Variants in RPTOR observed in about 807,000 individuals in gnomAD.
RPTOR encodes regulatory-associated protein of mTOR.
In RPTOR, 21 loss-of-function variants were observed where a neutral mutation model predicts 169.9. That is an observed-to-expected ratio of 0.12 (90% CI 0.09 to 0.18). The LOEUF is 0.18. Ranked by LOEUF, RPTOR falls within the 10% of genes least tolerant of loss-of-function variation. The pLI, the probability that RPTOR is intolerant of heterozygous loss-of-function variation, is 1.00. For missense variants in RPTOR, 1,133 were observed against 1,855.9 expected, an observed-to-expected ratio of 0.61 and a Z score of 7.16; for synonymous variants, 732 against 753.2, an observed-to-expected ratio of 0.97 and a Z score of 0.46.
chr17:80,922,695 C>G, intron 21 of RPTOR, 29 bp from the exon 22 acceptor site: 1 of 1,539,530 alleles, frequency 6.5e-7, no homozygotes, highest in Non-Finnish European at 8.8e-7. Flanking sequence ...TCCCGTCTGA[C>G]CTTCACACCC....
At chr17:80,781,731 A>G (rs1018681979) in intron 6 of RPTOR, among the ~76,000 whole-genome samples, 1 of 152,222 alleles carries the variant, frequency 6.6e-6, no homozygotes, top group Non-Finnish European at 1.5e-5. Flanking sequence ...ACCTCCTTAT[A>G]GGGAGAGACC....
rs1365529224 is a variant in RPTOR at position 80,823,821 on chromosome 17, G to A, written c.1136+598G>A. On this transcript the variant is annotated intron_variant, in intron 9 of 33. Coordinates refer to ENST00000306801, the MANE Select transcript of RPTOR (RefSeq NM_020761.3). This position sits in a 1 kb window ranked among gnomAD's most constrained non-coding sequence, Gnocchi z 4.5. ...TAGTCTAGACATTATATTTGAAGAC[G>A]TTTGGTTTCTTTCTGTTCTGTGGCT... Among the ~76,000 whole-genome samples the A allele has an allele frequency of 2.0e-5, 3 of 152,282 alleles. No homozygotes were observed. Among genetic ancestry groups the A allele is most frequent in the Non-Finnish European group, 2.9e-5 (2 of 68,028 alleles).
At chr17:80,788,958 G>T (rs868122398) in intron 6 of RPTOR, among the ~76,000 whole-genome samples, 1 of 152,200 alleles carries the variant, frequency 6.6e-6, no homozygotes, top group Non-Finnish European at 1.5e-5. Context: ...GGTATAAAGA[G>T]AATTTACATT....
chr17:80,932,958 C>T (rs534218398), intron 24 of RPTOR, among the ~76,000 whole-genome samples: 2 of 152,238 alleles, frequency 1.3e-5, no homozygotes, highest in African/African-American at 2.4e-5. Flanking sequence ...CCACAGACTT[C>T]TCATTAGAAA....
At chr17:80,806,942 C>T (rs1280650608) in intron 7 of RPTOR, among the ~76,000 whole-genome samples, 1 of 152,102 alleles carries the variant, frequency 6.6e-6, no homozygotes, top group Admixed American at 6.5e-5. Flanking sequence ...CATGCATTAA[C>T]CCTCAGAACT....
rs552589373 is a variant in RPTOR, at chr17:80,942,913, G to A, written c.3025+2312G>A. Among the ~76,000 whole-genome samples, 41 of 152,328 alleles carry A rather than the reference G, an allele frequency of 2.7e-4. No individual in the cohort carries two copies. The South Asian group carries it at 6.2e-3, about 23-fold the overall frequency. On this transcript the variant is annotated intron_variant, in intron 25 of 33. Transcript: ENST00000306801. ...GTGCTTAGAATTATGCCCAAACTCCGTCCAGAACTCCCTGCAGCTGGGAAT... is the reference window on the plus strand; with the variant it reads ...GTGCTTAGAATTATGCCCAAACTCCATCCAGAACTCCCTGCAGCTGGGAAT...
chr17:80,718,189 C>T (rs1161417125), intron 4 of RPTOR, among the ~76,000 whole-genome samples: 1 of 152,160 alleles, frequency 6.6e-6, no homozygotes, highest in African/African-American at 2.4e-5. Context: ...CCTGCCTTTC[C>T]TTAATTTACT....
chr17:80,685,645 TTTTTTTTTTTTTG>T (rs2065940704), intron 3 of RPTOR, among the ~76,000 whole-genome samples: 1 of 73,818 alleles, frequency 1.4e-5, no homozygotes, highest in Non-Finnish European at 3.0e-5. Flanking sequence ...TTTTTTTTTT[TTTTTTTTTTTTTG>T]CTGTGAATTA....
chr17:80,950,458 C>T (rs905901290), intron 28 of RPTOR, among the ~76,000 whole-genome samples: 5 of 152,138 alleles, frequency 3.3e-5, no homozygotes, highest in Non-Finnish European at 5.9e-5. Context: ...TGCCTCGGGA[C>T]GTCATGGGGG....
chr17:80,586,068 G>A (rs576176275), intron 1 of RPTOR, among the ~76,000 whole-genome samples: 45 of 152,248 alleles, frequency 3.0e-4, no homozygotes, highest in African/African-American at 1.1e-3. Flanking sequence ...GAGGCGCTCT[G>A]CAGCCAGGCA....
intron 19 of RPTOR, 99 bp downstream of exon 19, chr17:80,892,968 C>T (rs1193560276): frequency 9.5e-6 from 13 of 1,372,258 alleles, no homozygotes; most frequent in South Asian, 1.3e-5. Flanking sequence ...CCTGCCCCTT[C>T]GTCTAAGTGC....
chr17:80,788,694 A>G (rs2067017966), intron 6 of RPTOR, among the ~76,000 whole-genome samples: 1 of 152,202 alleles, frequency 6.6e-6, no homozygotes, highest in Non-Finnish European at 1.5e-5. Flanking sequence ...CTTCCTCTGT[A>G]TATCATAAGA....
chr17:80,632,137 C>G (rs1445122638), intron 2 of RPTOR, among the ~76,000 whole-genome samples: 6 of 152,320 alleles, frequency 3.9e-5, no homozygotes, highest in African/African-American at 1.4e-4. Flanking sequence ...CAGATGCTCT[C>G]TTGGCTCACT....
chr17:80,885,830 C>T (rs1014332481), intron 17 of RPTOR, among the ~76,000 whole-genome samples: 10 of 152,208 alleles, frequency 6.6e-5, no homozygotes, highest in Middle Eastern at 3.2e-3. Context: ...CGTGAGCCAC[C>T]GCGCCCGGCC....
chr17:80,677,072 G>T (rs1371655918), intron 3 of RPTOR, among the ~76,000 whole-genome samples: 2 of 152,308 alleles, frequency 1.3e-5, no homozygotes, highest in East Asian at 1.9e-4. Flanking sequence ...CTGCTCTCAG[G>T]GGCACGCTGT....
At chr17:80,871,553 G>A (rs573977229) in intron 13 of RPTOR, among the ~76,000 whole-genome samples, 11 of 152,178 alleles carry the variant, frequency 7.2e-5, no homozygotes, top group South Asian at 2.1e-4. Flanking sequence ...GGGTGAAGCC[G>A]CTGCTGCCGC....
At chr17:80,739,429 C>T (rs553064022) in intron 5 of RPTOR, among the ~76,000 whole-genome samples, 1 of 112,300 alleles carries the variant, frequency 8.9e-6, no homozygotes, top group South Asian at 2.7e-4. Context: ...GAAGTTAGGC[C>T]ATCTTTTCTT....
At chr17:80,854,753 G>A (rs1335943375) in intron 11 of RPTOR, among the ~76,000 whole-genome samples, 31 of 152,184 alleles carry the variant, frequency 2.0e-4, no homozygotes, top group African/African-American at 6.8e-4. Flanking sequence ...AATTAACCAG[G>A]CATGGTGGTA....
chr17:80,650,015 A>G (rs1413092148), intron 3 of RPTOR, among the ~76,000 whole-genome samples: 1 of 152,252 alleles, frequency 6.6e-6, no homozygotes, highest in African/African-American at 2.4e-5. Context: ...CAGAGCATAA[A>G]GGTGTTGTCA....
Sources: allele counts gnomAD v4.1 joint callset (sites outside exome capture counted in the v4.1 genomes callset), GRCh38; gene constraint gnomAD v4.1.1; non-coding constraint Gnocchi (gnomAD v3.1); transcripts MANE v1.5; gene names NCBI Gene and HGNC (gene_info 2026-07-23, HGNC 2026-07-21).